PDE1C: variants seen among roughly 807,000 people sequenced by gnomAD.
The protein encoded by PDE1C is dual specificity calcium/calmodulin-dependent 3',5'-cyclic nucleotide phosphodiesterase 1C.
In PDE1C, 62 loss-of-function variants were observed where a neutral mutation model predicts 93.1. That is an observed-to-expected ratio of 0.67 (90% confidence interval 0.54 to 0.82). The LOEUF is 0.82. Ranked by LOEUF, PDE1C falls within the 40% of genes least tolerant of loss-of-function variation. The pLI is 0.00. For missense variants in PDE1C, 742 were observed against 884.6 expected, an observed-to-expected ratio of 0.84 and a Z score of 2.04; for synonymous variants, 325 against 310.1, an observed-to-expected ratio of 1.05 and a Z score of -0.50.
At chr7:31,956,121 T>C (rs1348311764) in intron 2 of PDE1C, among the ~76,000 whole-genome samples, 1 of 152,076 alleles carries the variant, frequency 6.6e-6, no homozygotes, top group African/African-American at 2.4e-5. Flanking sequence ...CTTTTTTTTT[T>C]GAGACAGAGT....
intron 17 of PDE1C, among the ~76,000 whole-genome samples, chr7:31,772,097 C>T (rs1374058471): frequency 4.6e-5 from 7 of 151,926 alleles, no homozygotes; most frequent in East Asian, 3.9e-4. Flanking sequence ...TTCTCTCTCT[C>T]GCCTGCCTAG....
intron 2 of PDE1C, among the ~76,000 whole-genome samples, chr7:31,882,215 A>C (rs1797341505): frequency 6.6e-6 from 1 of 152,202 alleles, no homozygotes; most frequent in Non-Finnish European, 1.5e-5. Flanking sequence ...CGAATCTGCA[A>C]TATATCAAAC....
chr7:31,704,729 G>A, the PDE1C span, among the ~76,000 whole-genome samples: 6 of 152,094 alleles, frequency 3.9e-5, no homozygotes, highest in African/African-American at 1.2e-4. Flanking sequence ...CCAATTTTAC[G>A]GGTGAATAAA....
intron 1 of PDE1C, among the ~76,000 whole-genome samples, chr7:32,343,404 T>C (rs1259941670): frequency 6.6e-6 from 1 of 152,204 alleles, no homozygotes; most frequent in East Asian, 1.9e-4. Context: ...CTTGCAGATC[T>C]CTTTCACTGA....
chr7:31,830,541 T>C (rs1250859661), intron 11 of PDE1C, among the ~76,000 whole-genome samples: 1 of 152,208 alleles, frequency 6.6e-6, no homozygotes, highest in African/African-American at 2.4e-5. Flanking sequence ...AAGACTAATT[T>C]GGTTAGAAAC....
intron 1 of PDE1C, chr7:32,298,559 G>T: frequency 1.4e-6 from 2 of 1,448,368 alleles, no homozygotes; most frequent in Non-Finnish European, 1.9e-6. Flanking sequence ...CGACCCCTGA[G>T]CTCCCCCTGC....
chr7:32,374,343 A>T (rs1784399705), intron 1 of PDE1C, among the ~76,000 whole-genome samples: 1 of 152,180 alleles, frequency 6.6e-6, no homozygotes, highest in African/African-American at 2.4e-5. Flanking sequence ...TCTCCCTTTG[A>T]ATCTGGGTAG....
At chr7:32,333,406 T>C (rs1783551227) in intron 1 of PDE1C, among the ~76,000 whole-genome samples, 1 of 152,186 alleles carries the variant, frequency 6.6e-6, no homozygotes, top group African/African-American at 2.4e-5. Context: ...ATATGTACCA[T>C]AATAATATAA....
At chr7:31,994,648 A>C (rs1287312118) in intron 2 of PDE1C, among the ~76,000 whole-genome samples, 3 of 151,900 alleles carry the variant, frequency 2.0e-5, no homozygotes, top group African/African-American at 7.3e-5. Context: ...ATTACTTTCC[A>C]CTCTCCCTCA....
chr7:32,315,949 C>G (rs763846176), intron 1 of PDE1C, among the ~76,000 whole-genome samples: 1 of 152,184 alleles, frequency 6.6e-6, no homozygotes, highest in Non-Finnish European at 1.5e-5. Context: ...GAGCCAAGAT[C>G]GTGCCATTGC....
At chr7:31,886,770 AGATCTATTCAGAATAGATCTTTTCG>A (rs1554395344) in intron 2 of PDE1C, among the ~76,000 whole-genome samples, 1,207 of 14,184 alleles carry the variant, frequency 0.085, 50 homozygotes, top group South Asian at 0.21. Context: ...TGATCTATTC[AGATCTATTCAGAATAGATCTTTTCG>A]GATCTTTTCA....
intron 1 of PDE1C, among the ~76,000 whole-genome samples, chr7:32,382,877 A>G (rs2128090644): frequency 6.6e-6 from 1 of 152,326 alleles, no homozygotes; most frequent in Middle Eastern, 3.4e-3. Flanking sequence ...GTCGCCAGGC[A>G]GACCTCTCCC....
At chr7:31,934,274 C>T (rs1804717213) in intron 2 of PDE1C, among the ~76,000 whole-genome samples, 1 of 152,112 alleles carries the variant, frequency 6.6e-6, no homozygotes, top group Admixed American at 6.6e-5. Flanking sequence ...CTGATAAGTA[C>T]ACTGATTCAA....
chr7:31,969,748 C>T (rs996873009), intron 2 of PDE1C, among the ~76,000 whole-genome samples: 1 of 152,136 alleles, frequency 6.6e-6, no homozygotes, highest in Non-Finnish European at 1.5e-5. Context: ...AACCCAAATG[C>T]CCATCAATGA....
intron 1 of PDE1C, among the ~76,000 whole-genome samples, chr7:32,064,489 G>T (rs1035481318): frequency 8.6e-5 from 13 of 151,978 alleles, no homozygotes; most frequent in Admixed American, 7.9e-4. Flanking sequence ...CTTCAGCAGC[G>T]CTACCCCAAA....
chr7:31,795,343 A>T (rs987867807), intron 16 of PDE1C, among the ~76,000 whole-genome samples: 2 of 151,888 alleles, frequency 1.3e-5, no homozygotes, highest in African/African-American at 2.4e-5. Context: ...ATCTGACAAA[A>T]TATCATTTTT....
chr7:32,367,315 A>G (rs1359739535), intron 1 of PDE1C, among the ~76,000 whole-genome samples: 2 of 152,204 alleles, frequency 1.3e-5, no homozygotes, highest in African/African-American at 4.8e-5. Context: ...AAATGACTCA[A>G]CCACAAAAAT....
the PDE1C span, among the ~76,000 whole-genome samples, chr7:31,677,296 A>T: frequency 6.6e-6 from 1 of 152,202 alleles, no homozygotes; most frequent in Non-Finnish European, 1.5e-5. Flanking sequence ...AAAATTTCCA[A>T]ATTTATTTTG....
chr7:31,625,372 C>G, the PDE1C span, among the ~76,000 whole-genome samples: 1 of 151,828 alleles, frequency 6.6e-6, no homozygotes, highest in Admixed American at 6.6e-5. Context: ...GGAACCAACC[C>G]AAATGTCCAA....
Sources: gnomAD v4.1 joint callset for allele counts (sites outside exome capture counted in the v4.1 genomes callset) on GRCh38, gnomAD v4.1.1 for gene constraint, MANE v1.5 for transcripts, NCBI Gene and HGNC (gene_info 2026-07-23, HGNC 2026-07-21) for gene names.